Variants in SAMD12 observed in about 807,000 individuals in gnomAD.
SAMD12 encodes the protein sterile alpha motif domain containing 12.
Under a neutral mutation model 15.0 loss-of-function variants are expected in SAMD12, and 9 were observed. The ratio of observed to expected loss-of-function variants is 0.60; its 90% CI spans 0.36 to 1.05. The LOEUF is 1.05. Ranked by LOEUF, SAMD12 falls within the 50% of genes least tolerant of loss-of-function variation. The probability of loss-of-function intolerance (pLI) is 0.01; values close to 1 mark genes in which losing one functional copy is unlikely to be tolerated. For missense variants in SAMD12, 230 were observed against 234.2 expected (o/e 0.98, Z 0.12); for synonymous variants, 86 against 90.1 (o/e 0.96, Z 0.25).
intron 4 of SAMD12, among the ~76,000 whole-genome samples, chr8:118,244,314 C>A (rs1015654817): frequency 1.3e-5 from 2 of 152,094 alleles, no homozygotes; most frequent in Non-Finnish European, 2.9e-5. Context: ...TAGTAAGGAG[C>A]AGATTGAAGA....
intron 4 of SAMD12, among the ~76,000 whole-genome samples, chr8:118,348,889 C>T (rs1817809295): frequency 6.6e-6 from 1 of 152,124 alleles, no homozygotes; most frequent in Non-Finnish European, 1.5e-5. Flanking sequence ...ACACTCAAGG[C>T]CAATCAAAGC....
chr8:118,616,124 G>C (rs1032151005), intron 1 of SAMD12, among the ~76,000 whole-genome samples: 1 of 152,216 alleles, frequency 6.6e-6, no homozygotes, highest in Non-Finnish European at 1.5e-5. Context: ...AAGTGAATGG[G>C]AGAGAATCAG....
At chr8:118,491,115 T>C (rs904967680) in intron 2 of SAMD12, among the ~76,000 whole-genome samples, 3 of 152,150 alleles carry the variant, frequency 2.0e-5, no homozygotes, top group Admixed American at 6.6e-5. Flanking sequence ...CAATGCATCA[T>C]CTCTGTCATT....
chr8:118,321,122 A>G (rs1816232763), intron 4 of SAMD12, among the ~76,000 whole-genome samples: 2 of 136,880 alleles, frequency 1.5e-5, no homozygotes, highest in Admixed American at 7.9e-5. Context: ...TGATATATAT[A>G]ACATATATAT....
intron 4 of SAMD12, among the ~76,000 whole-genome samples, chr8:118,244,514 C>T (rs1256326996): frequency 6.6e-6 from 1 of 152,104 alleles, no homozygotes; most frequent in African/African-American, 2.4e-5. Flanking sequence ...GAAACATTTG[C>T]AGTCCTTTCC....
At chr8:118,486,892 G>A (rs900012267) in intron 2 of SAMD12, among the ~76,000 whole-genome samples, 6 of 152,148 alleles carry the variant, frequency 3.9e-5, no homozygotes, top group Admixed American at 6.5e-5. Flanking sequence ...GGTGCCCTCC[G>A]ACAGGACCCA....
At chr8:118,345,325 C>T (rs1817580384) in intron 4 of SAMD12, among the ~76,000 whole-genome samples, 1 of 152,178 alleles carries the variant, frequency 6.6e-6, no homozygotes, top group Admixed American at 6.5e-5. Context: ...CACTGCGATG[C>T]TCACACAATG....
chr8:118,326,201 C>G (rs544940619), intron 4 of SAMD12, among the ~76,000 whole-genome samples: 3 of 152,082 alleles, frequency 2.0e-5, no homozygotes, highest in African/African-American at 7.2e-5. Context: ...CTCTCTAATG[C>G]CTGCCAATCC....
At chr8:118,275,924 T>C (rs1317894382) in intron 4 of SAMD12, among the ~76,000 whole-genome samples, 1 of 152,250 alleles carries the variant, frequency 6.6e-6, no homozygotes, top group African/African-American at 2.4e-5. Flanking sequence ...TTCCATGATG[T>C]ATGTGTAACA....
Position 118,620,489 on chromosome 8 carries a change from G to C in SAMD12, c.13+1315C>G, listed in dbSNP as rs76948087. Reference sequence around the variant, plus strand: ...ACCTAGAAAAATCTTGATTGTAAGAGAGAGAGAGGATTTCATTTTTGTTAA... The same window carrying C: ...ACCTAGAAAAATCTTGATTGTAAGACAGAGAGAGGATTTCATTTTTGTTAA... On this transcript the variant is annotated intron_variant, in intron 1 of 3. Coordinates refer to ENST00000314727, the MANE Select transcript of SAMD12 (RefSeq NM_207506.3). 3.1e-3 allele frequency among the ~76,000 whole-genome samples: 468 copies of C among 151,184 alleles called. 3 individuals carry two copies. Among genetic ancestry groups the C allele is most frequent in the African/African-American group, 0.011 (452 of 41,128 alleles).
At chr8:118,196,762 C>T (rs1251133528) in exon 5 of SAMD12, 2 of 152,196 alleles carry the variant, frequency 1.3e-5, no homozygotes, top group African/African-American at 2.4e-5. Context: ...ATCCATCCAC[C>T]ATGGTCTTTG....
At chr8:118,487,423 C>T (rs1459473911) in intron 2 of SAMD12, among the ~76,000 whole-genome samples, 2 of 152,152 alleles carry the variant, frequency 1.3e-5, no homozygotes, top group African/African-American at 4.8e-5. Context: ...ACATCAGATA[C>T]CTTCATTATT....
intron 3 of SAMD12, among the ~76,000 whole-genome samples, chr8:118,431,690 G>C (rs750527516): frequency 0.14 from 16,638 of 116,982 alleles, 1,074 homozygotes; most frequent in African/African-American, 0.33. Flanking sequence ...CCTTTGTCGT[G>C]TGTGTGTGTG....
At chr8:118,327,787 T>G (rs1423155099) in intron 4 of SAMD12, among the ~76,000 whole-genome samples, 1 of 152,032 alleles carries the variant, frequency 6.6e-6, no homozygotes, top group Non-Finnish European at 1.5e-5. Flanking sequence ...GGCAGAAGGG[T>G]GGGCAAGTCT....
At chr8:118,194,469 C>G (rs1819499777) in exon 5 of SAMD12, 1 of 152,144 alleles carries the variant, frequency 6.6e-6, no homozygotes, top group Non-Finnish European at 1.5e-5. Context: ...TCTGCATATT[C>G]AGTTCTGGAG....
intron 4 of SAMD12, among the ~76,000 whole-genome samples, chr8:118,277,053 A>G (rs922506456): frequency 6.6e-6 from 1 of 152,138 alleles, no homozygotes; most frequent in Non-Finnish European, 1.5e-5. Context: ...ATTAGACTAC[A>G]GGTACCCTCC....
chr8:118,507,143 C>T (rs1351564582), intron 2 of SAMD12, among the ~76,000 whole-genome samples: 1 of 152,186 alleles, frequency 6.6e-6, no homozygotes, highest in Non-Finnish European at 1.5e-5. Context: ...CGCAGTCACA[C>T]TGAGCACCTC....
intron 4 of SAMD12, among the ~76,000 whole-genome samples, chr8:118,244,810 G>A (rs1485226979): frequency 1.3e-5 from 2 of 152,078 alleles, no homozygotes; most frequent in Non-Finnish European, 2.9e-5. Flanking sequence ...TAGGAAAGGA[G>A]AAGGAGAATT....
the SAMD12 span, among the ~76,000 whole-genome samples, chr8:118,166,589 TG>T: frequency 6.6e-6 from 1 of 152,214 alleles, no homozygotes; most frequent in Admixed American, 6.5e-5. Flanking sequence ...TAAGTAAGCA[TG>T]GTTATTCACC....
Sources: allele counts gnomAD v4.1 joint callset (sites outside exome capture counted in the v4.1 genomes callset), GRCh38; gene constraint gnomAD v4.1.1; transcripts MANE v1.5; gene names NCBI Gene and HGNC (gene_info 2026-07-23, HGNC 2026-07-21).